Variants in EYS observed in about 807,000 individuals in gnomAD.
EYS encodes protein eyes shut homolog.
Under a neutral mutation model 282.1 loss-of-function variants are expected in EYS, and 250 were observed. The observed-to-expected ratio is 0.89, with a 90% CI of 0.80 to 0.98. EYS has a LOEUF of 0.98. Among genes scored for constraint, EYS ranks in the 50% least tolerant of loss-of-function variants. The probability of loss-of-function intolerance (pLI) is 0.00; values close to 1 mark genes in which losing one functional copy is unlikely to be tolerated. For synonymous variants in EYS, 1,355 were observed against 1,282.9 expected (o/e 1.06, Z -1.20); for missense variants, 4,016 against 3,709.0 (o/e 1.08, Z -2.15).
intron 12 of EYS, among the ~76,000 whole-genome samples, chr6:65,258,747 G>A (rs1031105219): frequency 7.2e-5 from 11 of 152,012 alleles, no homozygotes; most frequent in African/African-American, 2.7e-4. Flanking sequence ...ACAATGGAAT[G>A]TATACTCAGA....
At chr6:65,145,852 G>A (rs1764463770) in intron 12 of EYS, among the ~76,000 whole-genome samples, 2 of 151,862 alleles carry the variant, frequency 1.3e-5, no homozygotes. Context: ...ATAATCAACA[G>A]AATTGGAATA....
At position 63,806,318 on chromosome 6, in the gene EYS, G is replaced by C. The variant is rs2149678975; in HGVS notation, c.7283C>G (p.Ser2428Ter). 5 of 1,551,630 alleles carry C rather than the reference G, an allele frequency of 3.2e-6. No homozygotes were observed. The South Asian group carries it at 4.8e-5, about 15-fold the overall frequency. ...TGAGATCCGTGAATAAGCCAGGAAT[G>C]AGGTGTATCCAAAGGCATCTGTGCC... ...FSGTDAFGYT[S>*]FLAYSRISDI... is the part of the protein sequence containing the mutation. The change falls in exon 37 of 43, where the codon TCA (serine) becomes TGA (stop). Residue 2428 changes from serine (S) to a stop codon, truncating the protein, a stop_gained. Coordinates refer to ENST00000503581, the MANE Select transcript of EYS (RefSeq NM_001142800.2). LOFTEE classifies it high-confidence loss of function.
intron 30 of EYS, among the ~76,000 whole-genome samples, chr6:64,253,504 C>T (rs1767289612): frequency 1.3e-5 from 2 of 152,152 alleles, no homozygotes; most frequent in South Asian, 2.1e-4. Context: ...TAGTTATCGT[C>T]GTGGGTCACT....
intron 42 of EYS, among the ~76,000 whole-genome samples, chr6:63,723,277 T>C (rs895062352): frequency 1.3e-5 from 2 of 152,192 alleles, no homozygotes; most frequent in Admixed American, 6.6e-5. Flanking sequence ...AGCAACATTA[T>C]AAACTTTCAG....
intron 12 of EYS, among the ~76,000 whole-genome samples, chr6:65,243,517 C>T (rs751672186): frequency 2.0e-5 from 3 of 152,148 alleles, no homozygotes; most frequent in Non-Finnish European, 4.4e-5. Context: ...GACTCAAATA[C>T]CACAGACTCT....
intron 5 of EYS, among the ~76,000 whole-genome samples, chr6:65,452,279 T>G (rs1376549200): frequency 6.6e-6 from 1 of 151,872 alleles, no homozygotes. Context: ...ATTTTGATTT[T>G]AATAAAACAT....
chr6:65,310,283 G>T (rs1277727611), intron 11 of EYS, among the ~76,000 whole-genome samples: 1 of 152,160 alleles, frequency 6.6e-6, no homozygotes, highest in African/African-American at 2.4e-5. Context: ...GGCAGAGGTT[G>T]CAGTGAGCCG....
chr6:64,411,795 C>A (rs894957425), intron 28 of EYS, among the ~76,000 whole-genome samples: 1 of 143,216 alleles, frequency 7.0e-6, no homozygotes, highest in African/African-American at 2.5e-5. Context: ...CTGCAGTGAG[C>A]TATGATTACG....
At chr6:64,465,744 A>AC (rs397799159) in intron 26 of EYS, among the ~76,000 whole-genome samples, 42 of 151,952 alleles carry the variant, frequency 2.8e-4, no homozygotes, top group African/African-American at 9.2e-4. Flanking sequence ...AAAAAAAAAA[A>AC]GACAAATGAG....
chr6:65,013,260 A>G (rs2064704), intron 13 of EYS, among the ~76,000 whole-genome samples: 10,305 of 152,230 alleles, frequency 0.068, 437 homozygotes, highest in East Asian at 0.13. Context: ...AACAATGTAT[A>G]TGAGAAAATA....
chr6:64,411,925 G>C (rs72887700), intron 28 of EYS, among the ~76,000 whole-genome samples: 2 of 117,318 alleles, frequency 1.7e-5, no homozygotes, highest in Non-Finnish European at 1.9e-5. Context: ...ATGCATGCAT[G>C]TATGTATATA....
chr6:64,893,688 G>A (rs1767361901), intron 18 of EYS, among the ~76,000 whole-genome samples: 1 of 151,840 alleles, frequency 6.6e-6, no homozygotes, highest in Non-Finnish European at 1.5e-5. Context: ...TCTAAGAATA[G>A]AATAATCAAC....
chr6:64,754,116 G>T (rs1167195698), intron 22 of EYS, among the ~76,000 whole-genome samples: 2 of 152,010 alleles, frequency 1.3e-5, no homozygotes, highest in Non-Finnish European at 2.9e-5. Context: ...TGCCAAGAGG[G>T]TATTTTTATT....
At chr6:65,524,984 A>G (rs1430372991) in intron 2 of EYS, among the ~76,000 whole-genome samples, 1 of 151,736 alleles carries the variant, frequency 6.6e-6, no homozygotes, top group Non-Finnish European at 1.5e-5. Context: ...AACCATGGTG[A>G]CTGGAAGTCC....
chr6:63,728,547 T>C (rs1768700426), intron 41 of EYS, among the ~76,000 whole-genome samples: 1 of 152,206 alleles, frequency 6.6e-6, no homozygotes, highest in Admixed American at 6.5e-5. Context: ...TAGAGTACAT[T>C]TGTTAAATGG....
At chr6:64,204,775 T>C (rs1159037791) in intron 31 of EYS, among the ~76,000 whole-genome samples, 1 of 152,196 alleles carries the variant, frequency 6.6e-6, no homozygotes, top group Non-Finnish European at 1.5e-5. Flanking sequence ...TGTATTAAGT[T>C]CATGCATTTG....
intron 33 of EYS, among the ~76,000 whole-genome samples, chr6:64,001,498 T>G (rs2149804391): frequency 6.6e-6 from 1 of 152,296 alleles, no homozygotes; most frequent in East Asian, 1.9e-4. Context: ...ATTTATAATT[T>G]TTAGGTATGC....
At chr6:64,202,440 G>T (rs1010093206) in intron 31 of EYS, among the ~76,000 whole-genome samples, 7 of 152,092 alleles carry the variant, frequency 4.6e-5, no homozygotes, top group African/African-American at 1.7e-4. Context: ...AACGAAGCAA[G>T]AAACAATTAT....
At chr6:65,385,282 T>G (rs1404351431) in intron 7 of EYS, among the ~76,000 whole-genome samples, 1 of 151,964 alleles carries the variant, frequency 6.6e-6, no homozygotes, top group Non-Finnish European at 1.5e-5. Flanking sequence ...ATGAAGTGAA[T>G]TTAACTATGT....
Sources: allele counts gnomAD v4.1 joint callset (sites outside exome capture counted in the v4.1 genomes callset), GRCh38; gene constraint gnomAD v4.1.1; transcripts MANE v1.5; gene names NCBI Gene and HGNC (gene_info 2026-07-23, HGNC 2026-07-21).